FAM240C: variants seen among roughly 807,000 people sequenced by gnomAD.
The protein encoded by FAM240C is family with sequence similarity 240 member C.
A neutral mutation model predicts 10.0 loss-of-function variants in FAM240C; 14 were observed. The ratio of observed to expected loss-of-function variants is 1.40; its 90% CI spans 0.92 to 2.19. The LOEUF (loss-of-function observed/expected upper bound fraction) is 2.19, where lower values mean the gene tolerates loss of function less well. FAM240C is among the 30% of genes most tolerant of loss of function. The pLI is 0.00. For missense variants in FAM240C, 154 were observed against 122.3 expected (o/e 1.26, Z -1.22); for synonymous variants, 49 against 44.3 (o/e 1.11, Z -0.42).
At chr2:241,900,843 C>T (rs2124928909), upstream of FAM240C, among the ~76,000 whole-genome samples, 1 of 152,272 alleles carries the variant, frequency 6.6e-6, no homozygotes, top group South Asian at 2.1e-4. The surrounding 1 kb of genome is among the most constrained non-coding windows in gnomAD (Gnocchi z 4.5). Context: ...TGTGGAAATG[C>T]TTAGGGTCTC....
At chr2:241,896,138 G>C (rs918257940) in intron 2 of FAM240C, among the ~76,000 whole-genome samples, 2 of 152,198 alleles carry the variant, frequency 1.3e-5, no homozygotes, top group Non-Finnish European at 2.9e-5. Flanking sequence ...CGGGGCCTGA[G>C]CACCGAGGGC....
At chr2:241,897,113 C>T (rs955143894) in intron 2 of FAM240C, 73 bp downstream of exon 2, 36 of 1,492,218 alleles carry the variant, frequency 2.4e-5, no homozygotes, top group Non-Finnish European at 2.9e-5. Context: ...ACACTGCTGG[C>T]GGGGCTGTGC....
At chr2:241,897,771 A>C (rs879816790) in intron 1 of FAM240C, among the ~76,000 whole-genome samples, 6 of 152,090 alleles carry the variant, frequency 3.9e-5, no homozygotes, top group Non-Finnish European at 8.8e-5. Flanking sequence ...TCTCATTCCC[A>C]TCACCCAGGC....
intron 1 of FAM240C, among the ~76,000 whole-genome samples, chr2:241,898,774 G>T (rs1701911667): frequency 6.6e-6 from 1 of 152,114 alleles, no homozygotes; most frequent in Admixed American, 6.5e-5. Flanking sequence ...TTGAGGATGG[G>T]GTTTACACAA....
chr2:241,896,503 G>GGGGGTGTGGGTGTT (rs1559468256), intron 2 of FAM240C, among the ~76,000 whole-genome samples: 1 of 28,582 alleles, frequency 3.5e-5, no homozygotes, highest in Non-Finnish European at 7.5e-5. Flanking sequence ...TGTGGGTGAA[G>GGGGGTGTGGGTGTT]GGGGTGTGGG....
intron 2 of FAM240C, among the ~76,000 whole-genome samples, chr2:241,896,850 GGGGTGT>G (rs1211829784): frequency 1.1e-4 from 16 of 146,104 alleles, no homozygotes; most frequent in Admixed American, 2.7e-4. Context: ...TGTGGGTGAA[GGGGTGT>G]GGGTGTGGGG....
At chr2:241,896,487 A>C (rs1349428111) in intron 2 of FAM240C, among the ~76,000 whole-genome samples, 2 of 25,586 alleles carry the variant, frequency 7.8e-5, no homozygotes, top group Non-Finnish European at 8.6e-5. Flanking sequence ...TGGCGGGGGA[A>C]GGGGGTGTGG....
At chr2:241,896,713 T>A (rs1177457137) in intron 2 of FAM240C, among the ~76,000 whole-genome samples, 4 of 1,190 alleles carry the variant, frequency 3.4e-3, no homozygotes, top group Non-Finnish European at 6.8e-3. Context: ...GTGTGGGTGT[T>A]GGGGGTGTGT....
At chr2:241,900,506 C>T (rs1701958715), upstream of FAM240C, 1 of 656,248 alleles carries the variant, frequency 1.5e-6, no homozygotes. The surrounding 1 kb of genome is among the most constrained non-coding windows in gnomAD (Gnocchi z 4.5). Context: ...CGGTTCAGTC[C>T]CAGAAAGACG....
At chr2:241,897,433 C>T (rs1392628525) in intron 1 of FAM240C, 99 bp from the exon 2 acceptor site, 1 of 1,411,154 alleles carries the variant, frequency 7.1e-7, no homozygotes, top group African/African-American at 1.4e-5. Context: ...CTGGCTCAGC[C>T]TGCAGCATCG....
upstream of FAM240C, chr2:241,902,534 C>A (rs191437705): frequency 1.3e-5 from 2 of 153,310 alleles, no homozygotes; most frequent in South Asian, 1.8e-4. The surrounding 1 kb of genome is among the most constrained non-coding windows in gnomAD (Gnocchi z 7.1). Flanking sequence ...TCCTCACAGT[C>A]GCAGCAGCAG....
chr2:241,902,067 G>A (rs76445379), upstream of FAM240C, among the ~76,000 whole-genome samples: 76 of 152,200 alleles, frequency 5.0e-4, no homozygotes, highest in South Asian at 1.7e-3. This position sits in a 1 kb window ranked among gnomAD's most constrained non-coding sequence, Gnocchi z 7.1. Flanking sequence ...GGTCAAGTGT[G>A]CACTATCTGC....
At chr2:241,899,408 T>G (rs1169866981) in intron 1 of FAM240C, 2 of 893,720 alleles carry the variant, frequency 2.2e-6, no homozygotes, top group Admixed American at 1.2e-4. Context: ...CACGCCTGCC[T>G]GTGCTGAGGA....
chr2:241,899,223 C>T (rs1002195496), intron 1 of FAM240C: 163 of 1,303,486 alleles, frequency 1.3e-4, no homozygotes, highest in Non-Finnish European at 1.6e-4. Context: ...TGGCTGGGGG[C>T]TTCCAGCTGC....
chr2:241,895,558 G>C (rs1701775736), intron 2 of FAM240C, among the ~76,000 whole-genome samples: 1 of 152,216 alleles, frequency 6.6e-6, no homozygotes. Context: ...CAGCTCTCTG[G>C]GCTTCATGCG....
chr2:241,899,136 A>C (rs1039984175), intron 1 of FAM240C: 9 of 1,304,070 alleles, frequency 6.9e-6, no homozygotes, highest in Non-Finnish European at 9.1e-6. Context: ...GGAGAGGGTA[A>C]GGGTGCCTTC....
intron 2 of FAM240C, among the ~76,000 whole-genome samples, chr2:241,896,586 T>A (rs1341414883): frequency 2.2e-4 from 22 of 100,364 alleles, no homozygotes; most frequent in South Asian, 6.3e-4. Flanking sequence ...GGTGTGGGTG[T>A]TGGGGTGTGG....
rs559652001 is a variant in FAM240C at position 241,900,250 on chromosome 2, C to T, written c.12+108G>A. ...CCCCAGCGAAATGCGGGTGGGCTCA[C>T]GTCTTGTGCCAGATATGTCACATAC... On this transcript the variant is annotated intron_variant, in intron 1 of 2. Coordinates refer to ENST00000404031, the MANE Select transcript of FAM240C (RefSeq NM_001382368.1). The surrounding 1 kb of genome is among the most constrained non-coding windows in gnomAD (Gnocchi z 4.5). The T allele has an allele frequency of 3.3e-4, 223 of 676,718 alleles. No homozygotes were observed. The Middle Eastern group carries it at 4.3e-3, about 13-fold the overall frequency. The allele number at this position is 676,718 out of a possible 1,614,324, so 41.9% of individuals were successfully genotyped here.
At chr2:241,899,755 G>A (rs1701936888) in intron 1 of FAM240C, among the ~76,000 whole-genome samples, 1 of 152,206 alleles carries the variant, frequency 6.6e-6, no homozygotes, top group Non-Finnish European at 1.5e-5. Context: ...GGGAGAACCA[G>A]CAAACCAGCA....
Sources: gnomAD v4.1 joint callset for allele counts (sites outside exome capture counted in the v4.1 genomes callset) on GRCh38, gnomAD v4.1.1 for gene constraint, Gnocchi (gnomAD v3.1) non-coding constraint, MANE v1.5 for transcripts, NCBI Gene and HGNC (gene_info 2026-07-23, HGNC 2026-07-21) for gene names.